Variants in SPMIP3 observed in about 807,000 individuals in gnomAD.
SPMIP3 encodes protein SPMIP3.
chr1:244,359,433 T>C, the SPMIP3 span, among the ~76,000 whole-genome samples: 23 of 152,278 alleles, frequency 1.5e-4, no homozygotes, highest in South Asian at 4.8e-3. Context: ...GATTTTAAAA[T>C]AGGCCAAAGG....
the SPMIP3 span, among the ~76,000 whole-genome samples, chr1:244,359,140 CAAA>C: frequency 1.4e-4 from 18 of 133,182 alleles, no homozygotes; most frequent in African/African-American, 3.4e-4. Context: ...TGATTAATGG[CAAA>C]AAAAAAAAAA....
At chr1:244,375,532 C>T in the SPMIP3 span, 106 of 1,317,570 alleles carry the variant, frequency 8.0e-5, 1 homozygote, top group East Asian at 3.0e-4. Flanking sequence ...AAAAAGGGGT[C>T]GGCGGGGGGA....
the SPMIP3 span, among the ~76,000 whole-genome samples, chr1:244,371,923 G>A: frequency 6.6e-6 from 1 of 152,160 alleles, no homozygotes; most frequent in African/African-American, 2.4e-5. Context: ...CCAGGGCTCA[G>A]TCATATTATC....
At chr1:244,381,467 C>T in the SPMIP3 span, among the ~76,000 whole-genome samples, 2 of 152,172 alleles carry the variant, frequency 1.3e-5, no homozygotes, top group African/African-American at 4.8e-5. Context: ...TCTTTCCAAA[C>T]CTATGGAGCT....
the SPMIP3 span, among the ~76,000 whole-genome samples, chr1:244,353,987 G>T: frequency 6.6e-6 from 1 of 152,038 alleles, no homozygotes; most frequent in Non-Finnish European, 1.5e-5. Flanking sequence ...AGATCACTAG[G>T]GCACGACTTT....
chr1:244,375,553 C>A, the SPMIP3 span: 2 of 974,330 alleles, frequency 2.1e-6, no homozygotes, highest in Non-Finnish European at 3.2e-6. Flanking sequence ...AGATACACTA[C>A]TCCTCATAAT....
chr1:244,353,028 T>G, the SPMIP3 span, among the ~76,000 whole-genome samples: 2 of 152,126 alleles, frequency 1.3e-5, no homozygotes, highest in Non-Finnish European at 2.9e-5. Flanking sequence ...AAGACCTAGG[T>G]TTTAAAAACT....
chr1:244,360,502 C>T, the SPMIP3 span, among the ~76,000 whole-genome samples: 11 of 114,516 alleles, frequency 9.6e-5, no homozygotes, highest in African/African-American at 1.6e-4. Context: ...ATAAAGAAAA[C>T]GTGATATACA....
At chr1:244,366,593 T>G in the SPMIP3 span, among the ~76,000 whole-genome samples, 3 of 152,212 alleles carry the variant, frequency 2.0e-5, no homozygotes, top group African/African-American at 7.2e-5. Flanking sequence ...AGAATTTTCT[T>G]TTAAGACCTG....
the SPMIP3 span, among the ~76,000 whole-genome samples, chr1:244,364,384 C>T: frequency 1.6e-4 from 25 of 152,246 alleles, no homozygotes; most frequent in South Asian, 6.2e-4. Context: ...GGATTACAGG[C>T]GTGAGCCACC....
the SPMIP3 span, chr1:244,378,747 G>A: frequency 1.3e-5 from 16 of 1,224,062 alleles, no homozygotes; most frequent in African/African-American, 4.6e-5. Context: ...GGGACCAGTC[G>A]AGTTGGAGGC....
the SPMIP3 span, among the ~76,000 whole-genome samples, chr1:244,372,501 T>G: frequency 1.3e-5 from 2 of 151,588 alleles, no homozygotes; most frequent in South Asian, 2.1e-4. Context: ...TGGAGTGCAG[T>G]GGCACGATCT....
chr1:244,355,578 G>T, the SPMIP3 span, among the ~76,000 whole-genome samples: 1 of 152,096 alleles, frequency 6.6e-6, no homozygotes, highest in African/African-American at 2.4e-5. Context: ...AGTAGAGACA[G>T]AGTTTCACCA....
At chr1:244,360,767 C>T in the SPMIP3 span, among the ~76,000 whole-genome samples, 1 of 151,620 alleles carries the variant, frequency 6.6e-6, no homozygotes, top group Non-Finnish European at 1.5e-5. Context: ...GCCTGTAGTC[C>T]CAGCTACTCA....
the SPMIP3 span, among the ~76,000 whole-genome samples, chr1:244,369,418 C>T: frequency 6.6e-6 from 1 of 152,184 alleles, no homozygotes; most frequent in African/African-American, 2.4e-5. Flanking sequence ...GTGTGGTCAG[C>T]CCATCCTGCG....
chr1:244,375,485 T>C, the SPMIP3 span: 30 of 1,593,398 alleles, frequency 1.9e-5, no homozygotes, highest in Non-Finnish European at 2.5e-5. Context: ...ACCTCCTCAA[T>C]CCCAATGTCC....
At chr1:244,360,315 C>A in the SPMIP3 span, among the ~76,000 whole-genome samples, 1 of 151,914 alleles carries the variant, frequency 6.6e-6, no homozygotes, top group African/African-American at 2.4e-5. Context: ...ATGAAGGTTC[C>A]TCAAAAAACT....
the SPMIP3 span, among the ~76,000 whole-genome samples, chr1:244,388,672 G>A: frequency 6.6e-6 from 1 of 152,134 alleles, no homozygotes; most frequent in African/African-American, 2.4e-5. Context: ...CGACTAAAAA[G>A]GTTTGGGGGT....
At chr1:244,388,849 A>G in the SPMIP3 span, 45 of 895,256 alleles carry the variant, frequency 5.0e-5, no homozygotes, top group East Asian at 1.1e-3. Context: ...CTTAAACCCC[A>G]AAAGTTATTT....
Sources: allele counts gnomAD v4.1 joint callset (sites outside exome capture counted in the v4.1 genomes callset), GRCh38; gene constraint gnomAD v4.1.1; transcripts MANE v1.5; gene names NCBI Gene and HGNC (gene_info 2026-07-23, HGNC 2026-07-21).